VILL: variants seen among roughly 807,000 people sequenced by gnomAD.
VILL encodes villin like.
VILL carries 102 observed loss-of-function variants against 106.3 expected under a neutral mutation model. The ratio of observed to expected loss-of-function variants is 0.96; its 90% CI spans 0.82 to 1.13. The LOEUF is 1.13. Ranked by LOEUF, VILL falls within the 50% of genes most tolerant of loss-of-function variation. VILL has a pLI of 0.00. For missense variants in VILL, 1,076 were observed against 1,116.6 expected, an observed-to-expected ratio of 0.96 and a Z score of 0.52; for synonymous variants, 431 against 440.3, an observed-to-expected ratio of 0.98 and a Z score of 0.27.
intron 1 of VILL, among the ~76,000 whole-genome samples, chr3:37,991,408 G>C (rs980260928): frequency 6.6e-6 from 1 of 151,252 alleles, no homozygotes; most frequent in Non-Finnish European, 1.5e-5. Flanking sequence ...GAGAGAGGGA[G>C]GGGTGTAGGG....
intron 11 of VILL, among the ~76,000 whole-genome samples, chr3:38,000,495 G>A (rs893650771): frequency 5.3e-5 from 8 of 152,066 alleles, no homozygotes; most frequent in African/African-American, 1.9e-4. Flanking sequence ...TGATAGATGG[G>A]ATACACAGAG....
At chr3:37,994,100 G>C (rs1341045138) in intron 3 of VILL, 128 bp downstream of exon 3, 12 of 1,441,538 alleles carry the variant, frequency 8.3e-6, no homozygotes, top group Non-Finnish European at 1.2e-5. Context: ...TCCCACAAGG[G>C]GGCGGTTACC....
intron 4 of VILL, 125 bp from the exon 5 acceptor site, chr3:37,995,614 C>T (rs1699686642): frequency 2.8e-6 from 2 of 724,042 alleles, no homozygotes; most frequent in African/African-American, 1.7e-5. Context: ...TTCACACAGA[C>T]TCCAGTGCAT....
chr3:38,007,077 C>A lies in VILL; in HGVS notation c.*22C>A. ...CTGAACCCAAGCCCTCTCGACTGCCCCTATCCCCTGGACCCCAACATACCT... is the reference window on the plus strand; with the variant it reads ...CTGAACCCAAGCCCTCTCGACTGCCACTATCCCCTGGACCCCAACATACCT... On this transcript the variant is annotated 3_prime_UTR_variant, in exon 20 of 20. Transcript: ENST00000383759. The A allele has an allele frequency of 6.3e-7, 1 of 1,598,700 alleles. No homozygotes were observed. The highest frequency in any genetic ancestry group is 1.1e-5 in the South Asian group (1 of 90,620).
rs144181954 is a variant in VILL at position 38,003,199 on chromosome 3, G to A, written c.1691G>A (p.Arg564Gln). Residue 564 changes from arginine (R) to glutamine (Q), a missense_variant, in exon 15 of 20, where the codon CGG (arginine) becomes CAG (glutamine). Coordinates refer to ENST00000383759, the MANE Select transcript of VILL (RefSeq NM_015873.4). ...GCNGDQREMA[R>Q]VVVTVISRKN... The stretch of plus-strand genomic sequence containing the variant: ...AATGGTGATCAGCGTGAGATGGCAC[G>A]GGTGGTGGTCACTGTCATTTCCAGG... The A allele has an allele frequency of 4.3e-5, 69 of 1,613,894 alleles. No homozygotes were observed. The African/African-American group carries it at 7.3e-4, about 17-fold the overall frequency.
chr3:38,005,791 G>A lies in VILL; in HGVS notation c.1951-1G>A. On this transcript the variant is annotated splice_acceptor_variant, in intron 16 of 19. Coordinates refer to ENST00000383759, the MANE Select transcript of VILL (RefSeq NM_015873.4). LOFTEE classifies it high-confidence loss of function. ...AAGGCCAGGTCCCCTCTGTGGCTCA[G>A]ATCTTCCTGTGGCTTGGGGAAGCTG... 6.2e-7 allele frequency: 1 copy of A among 1,608,000 alleles called. No individual in the cohort carries two copies. Among genetic ancestry groups the A allele is most frequent in the Non-Finnish European group, 8.5e-7 (1 of 1,176,856 alleles).
In VILL at chr3:38,007,060, A is replaced by G; in HGVS notation, c.*5A>G. ...AAGCAGCTGGGCTTCTTCTGAACCC[A>G]AGCCCTCTCGACTGCCCCTATCCCC... is the stretch of plus-strand genomic sequence containing the variant. On this transcript the variant is annotated 3_prime_UTR_variant, in exon 20 of 20. Coordinates refer to ENST00000383759, the MANE Select transcript of VILL (RefSeq NM_015873.4). The G allele has an allele frequency of 6.2e-7, 1 of 1,613,228 alleles. No individual in the cohort carries two copies. Among genetic ancestry groups the G allele is most frequent in the Non-Finnish European group, 8.5e-7 (1 of 1,179,350 alleles).
intron 16 of VILL, 71 bp downstream of exon 16, chr3:38,004,470 G>A: frequency 6.4e-7 from 1 of 1,557,962 alleles, no homozygotes; most frequent in Non-Finnish European, 8.7e-7. Flanking sequence ...CTGGGTGTGT[G>A]TGTATCTAGC....
chr3:37,999,292 TG>T lies in VILL; in HGVS notation c.1082-38del, dbSNP rs367971860. On this transcript the variant is annotated intron_variant, in intron 10 of 19. Transcript: ENST00000383759. ...GGAGTGGGCGGGGCGGAGATGGTGT[TG>T]GGGGGGGGCAGAGGGCGCCACTGAC... is the stretch of plus-strand genomic sequence containing the variant. 5,457 of 819,646 alleles carry T rather than the reference TG, an allele frequency of 6.7e-3. 101 individuals are homozygous for T. In the African/African-American group the frequency reaches 0.1, roughly 16 times the overall value. The allele number at this position is 819,646 out of a possible 1,614,324, so 50.8% of individuals were successfully genotyped here.
At position 38,001,704 on chromosome 3, in the gene VILL, C is replaced by A; in HGVS notation, c.1323C>A (p.Gly441=). ...TCACTCACTGCCCCCACCTGCAGGG[C>A]CACCAGGCCACTGCGGATGAGATTG... ...RVQYILYLWQ[G]HQATADEIEA... is the part of the protein sequence containing the mutation. Residue 441 remains glycine (G), a splice_region_variant and synonymous_variant, in exon 13 of 20, where the codon GGC becomes GGA. Coordinates refer to ENST00000383759, the MANE Select transcript of VILL (RefSeq NM_015873.4). 6.2e-7 allele frequency: 1 copy of A among 1,614,166 alleles called. No homozygotes were observed. Among genetic ancestry groups the A allele is most frequent in the Non-Finnish European group, 8.5e-7 (1 of 1,179,984 alleles).
chr3:38,006,397 T>A, intron 18 of VILL, 52 bp from the exon 19 acceptor site: 3 of 1,580,364 alleles, frequency 1.9e-6, no homozygotes, highest in Non-Finnish European at 2.6e-6. Flanking sequence ...GCAGCCTCCC[T>A]GTGGGCTACT....
At chr3:37,999,205 G>A (rs1699767726) in intron 10 of VILL, 134 bp from the exon 11 acceptor site, 2 of 1,211,238 alleles carry the variant, frequency 1.7e-6, no homozygotes, top group African/African-American at 3.2e-5. Flanking sequence ...GCCTCAGGAT[G>A]AGGAAAGGGG....
rs140199753 is a variant in VILL, at chr3:38,006,188, C to T, written c.2141C>T (p.Pro714Leu). 4.5e-5 allele frequency: 72 copies of T among 1,614,080 alleles called. No homozygotes were observed. The highest frequency in any genetic ancestry group is 2.5e-4 in the African/African-American group (19 of 74,922). ...TWDPYKWTSH[P>L]SHKEVVDGSP... Reference sequence around the variant, plus strand: ...CCCCGATTCTTGCTCCAGAGCCACCCGTCCCACAAGGAAGTGGTGGATGGC... The same window carrying T: ...CCCCGATTCTTGCTCCAGAGCCACCTGTCCCACAAGGAAGTGGTGGATGGC... Residue 714 changes from proline to leucine, a missense_variant, in exon 18 of 20, where the codon CCG (proline) becomes CTG (leucine). Coordinates refer to ENST00000383759, the MANE Select transcript of VILL (RefSeq NM_015873.4).
chr3:37,998,841 T>C lies in VILL; in HGVS notation c.943-71T>C. ...TTGGAGCTCGGCTGTCCCAGAGCGG[T>C]AGGTCCCCAGGAGCGGCAGTGGGGC... On this transcript the variant is annotated intron_variant, in intron 9 of 19. Transcript: ENST00000383759. The surrounding 1 kb of genome is among the most constrained non-coding windows in gnomAD (Gnocchi z 4.1). 6.5e-7 allele frequency: 1 copy of C among 1,528,848 alleles called. No homozygotes were observed. The highest frequency in any genetic ancestry group is 8.8e-7 in the Non-Finnish European group (1 of 1,132,370). 94.7% of individuals were successfully genotyped at this position (1,528,848 alleles called of 1,614,324 possible).
Position 37,997,512 on chromosome 3 carries a change from C to A in VILL, c.591C>A (p.Asp197Glu). The A allele has an allele frequency of 6.2e-7, 1 of 1,614,084 alleles. No individual in the cohort carries two copies. The highest frequency in any genetic ancestry group is 1.1e-5 in the South Asian group (1 of 91,082). The change falls in exon 7 of 20, where the codon GAC (aspartate) becomes GAA (glutamate). Residue 197 changes from aspartate (D) to glutamate (E), a missense_variant. Asp to Glu is a conservative substitution (Grantham distance 45, BLOSUM62 2). Coordinates refer to ENST00000383759, the MANE Select transcript of VILL (RefSeq NM_015873.4). The surrounding 1 kb of genome is among the most constrained non-coding windows in gnomAD (Gnocchi z 4.7). ...RGLALTYSLRDRERGGGRAQI... is the reference protein window; with the variant it reads ...RGLALTYSLRERERGGGRAQI... Reference sequence around the variant, plus strand: ...TGGCTTTGACCTACAGCCTCCGGGACAGGGAACGTGGTGGTGGTCGTGCAC... The same window carrying A: ...TGGCTTTGACCTACAGCCTCCGGGAAAGGGAACGTGGTGGTGGTCGTGCAC...
At position 37,993,613 on chromosome 3, in the gene VILL, C is replaced by A. The variant is rs1447838915; in HGVS notation, c.-60C>A. ...TGTACAGGTAGCCAGGTGTCGGTCTCCAGCCTGAGAACTCTGGCTGTTGTT... is the reference window on the plus strand; with the variant it reads ...TGTACAGGTAGCCAGGTGTCGGTCTACAGCCTGAGAACTCTGGCTGTTGTT... On this transcript the variant is annotated 5_prime_UTR_variant, in exon 2 of 20. Coordinates refer to ENST00000383759, the MANE Select transcript of VILL (RefSeq NM_015873.4). 6.4e-7 allele frequency: 1 copy of A among 1,555,234 alleles called. No homozygotes were observed. The highest frequency in any genetic ancestry group is 1.4e-5 in the African/African-American group (1 of 73,344).
In VILL at chr3:37,998,933, T is replaced by C. The variant is rs1699757141; in HGVS notation, c.964T>C (p.Tyr322His). ...CCAGGGCTTCATCCAGGCCAAGGGC[T>C]ACCCGACCTACACCAACGTGGAGGT... Reference protein sequence around the residue: ...RAVGFIQAKGYPTYTNVEVVN... With the variant: ...RAVGFIQAKGHPTYTNVEVVN... The change falls in exon 10 of 20, where the codon TAC becomes CAC. Residue 322 changes from tyrosine (Y) to histidine (H), a missense_variant. Tyr to His is a moderately conservative substitution (Grantham distance 83, BLOSUM62 2). Coordinates refer to ENST00000383759, the MANE Select transcript of VILL (RefSeq NM_015873.4). The surrounding 1 kb of genome is among the most constrained non-coding windows in gnomAD (Gnocchi z 4.1). 6.2e-7 allele frequency: 1 copy of C among 1,604,998 alleles called. No individual in the cohort carries two copies. Among genetic ancestry groups the C allele is most frequent in the African/African-American group, 1.4e-5 (1 of 73,960 alleles).
chr3:38,006,956 C>T lies in VILL; in HGVS notation c.2472C>T (p.Asp824=), dbSNP rs751571083. 2.0e-5 allele frequency: 33 copies of T among 1,613,934 alleles called. No individual in the cohort carries two copies. Among genetic ancestry groups the T allele is most frequent in the Non-Finnish European group, 2.7e-5 (32 of 1,179,932 alleles). ...DPARREFYLS[D]SDFQDIFGKS... ...CCCCTGCCCAGTTCTATCTCTCAGA[C>T]TCTGACTTCCAAGATATCTTTGGGA... is the stretch of plus-strand genomic sequence containing the variant. Residue 824 remains aspartate (D), a synonymous_variant, in exon 20 of 20, where the codon GAC becomes GAT. Transcript: ENST00000383759.
rs1188361087 is a variant in VILL, at chr3:38,001,553, A to G, written c.1280A>G (p.Gln427Arg). 6 of 1,614,216 alleles carry G rather than the reference A, an allele frequency of 3.7e-6. No individual in the cohort carries two copies. The highest frequency in any genetic ancestry group is 5.1e-6 in the Non-Finnish European group (6 of 1,180,028). The change falls in exon 12 of 20, where the codon CAG becomes CGG. Residue 427 changes from glutamine (Q) to arginine (R), a missense_variant. Transcript: ENST00000383759. Reference sequence around the variant, plus strand: ...TGCTACCTTGTGCTCTACACATACCAGAGGCTGGGCCGTGTCCAGTACATC... The same window carrying G: ...TGCTACCTTGTGCTCTACACATACCGGAGGCTGGGCCGTGTCCAGTACATC... Reference protein sequence around the residue: ...GNCYLVLYTYQRLGRVQYILY... With the variant: ...GNCYLVLYTYRRLGRVQYILY...
Sources: gnomAD v4.1 joint callset for allele counts (sites outside exome capture counted in the v4.1 genomes callset) on GRCh38, gnomAD v4.1.1 for gene constraint, Gnocchi (gnomAD v3.1) non-coding constraint, MANE v1.5 for transcripts, NCBI Gene and HGNC (gene_info 2026-07-23, HGNC 2026-07-21) for gene names.